The following EPHA6 variants were observed in gnomAD, a reference collection of about 807,000 sequenced individuals.
EPHA6 encodes ephrin type-A receptor 6.
In EPHA6, 50 loss-of-function variants were observed where a neutral mutation model predicts 112.0. The observed-to-expected ratio is 0.45, with a 90% CI of 0.36 to 0.56. The LOEUF is 0.56. Ranked by LOEUF, EPHA6 falls within the 20% of genes least tolerant of loss-of-function variation. EPHA6 has a pLI of 0.00. For missense variants in EPHA6, 1,280 were observed against 1,417.4 expected (o/e 0.90, Z 1.56); for synonymous variants, 529 against 490.7 (o/e 1.08, Z -1.03).
rs1356114804 is a variant in EPHA6, at chr3:97,451,355, G to C, written c.1894+2625G>C. The stretch of plus-strand genomic sequence containing the variant: ...ACCAGAATCTGATACCTAGTGATTG[G>C]GGGTGCAAGTTTAGAACCCTAGAAC... On this transcript the variant is annotated intron_variant, in intron 7 of 17. Coordinates refer to ENST00000389672, the MANE Select transcript of EPHA6 (RefSeq NM_001080448.3). 4.0e-5 allele frequency among the ~76,000 whole-genome samples: 6 copies of C among 151,890 alleles called. No homozygotes were observed. In the East Asian group the frequency reaches 1.2e-3, roughly 29 times the overall value.
At chr3:97,699,988 G>A (rs778234051) in intron 14 of EPHA6, among the ~76,000 whole-genome samples, 3 of 152,174 alleles carry the variant, frequency 2.0e-5, no homozygotes, top group Non-Finnish European at 2.9e-5. Context: ...CTTTATTTTG[G>A]AAGTACAAAA....
chr3:97,528,680 C>T (rs1258188406), intron 10 of EPHA6, among the ~76,000 whole-genome samples: 1 of 152,064 alleles, frequency 6.6e-6, no homozygotes, highest in Non-Finnish European at 1.5e-5. Flanking sequence ...ATACAGTGGT[C>T]CTCCAAGACA....
chr3:97,221,273 G>A (rs891535541), intron 3 of EPHA6, among the ~76,000 whole-genome samples: 2 of 117,936 alleles, frequency 1.7e-5, no homozygotes, highest in African/African-American at 6.8e-5. Context: ...TCCTGCCACT[G>A]CACTCCAGCC....
chr3:96,855,488 G>A (rs906498228), intron 1 of EPHA6, among the ~76,000 whole-genome samples: 1 of 145,448 alleles, frequency 6.9e-6, no homozygotes, highest in African/African-American at 2.8e-5. Flanking sequence ...AACAGTTACT[G>A]AAACAGAGAA....
At chr3:97,398,426 G>T (rs1217780967) in intron 5 of EPHA6, among the ~76,000 whole-genome samples, 1 of 150,642 alleles carries the variant, frequency 6.6e-6, no homozygotes, top group African/African-American at 2.4e-5. Flanking sequence ...CTTCCAACAG[G>T]GACAAATTTA....
At chr3:97,344,037 C>T (rs62262765) in intron 5 of EPHA6, among the ~76,000 whole-genome samples, 1 of 152,076 alleles carries the variant, frequency 6.6e-6, no homozygotes, top group Non-Finnish European at 1.5e-5. Context: ...CTATGCCTCT[C>T]CCATCATTAC....
chr3:97,398,326 A>T (rs923617965), intron 5 of EPHA6, among the ~76,000 whole-genome samples: 20 of 151,470 alleles, frequency 1.3e-4, no homozygotes, highest in Admixed American at 2.0e-4. Context: ...ATCAACCTCT[A>T]ATTTATATGA....
chr3:97,706,530 C>A (rs1310054967), intron 14 of EPHA6, among the ~76,000 whole-genome samples: 1 of 152,208 alleles, frequency 6.6e-6, no homozygotes, highest in Non-Finnish European at 1.5e-5. Flanking sequence ...TCCAACTTCA[C>A]AATCATCAGT....
chr3:97,686,304 C>G (rs768342196), intron 14 of EPHA6, among the ~76,000 whole-genome samples: 76 of 152,228 alleles, frequency 5.0e-4, no homozygotes, highest in Admixed American at 9.2e-4. Flanking sequence ...AATAGTCTGC[C>G]TTTCCTTCCT....
At chr3:97,216,570 G>C (rs756610085) in intron 3 of EPHA6, among the ~76,000 whole-genome samples, 8 of 152,204 alleles carry the variant, frequency 5.3e-5, no homozygotes, top group Non-Finnish European at 8.8e-5. Flanking sequence ...TTCATCTCAT[G>C]CTTTTCTTTT....
At chr3:97,055,466 C>T (rs2045822370) in intron 3 of EPHA6, among the ~76,000 whole-genome samples, 1 of 151,946 alleles carries the variant, frequency 6.6e-6, no homozygotes, top group Non-Finnish European at 1.5e-5. Flanking sequence ...AAGATTTTGC[C>T]TGGGTCATTA....
chr3:97,374,223 A>G (rs2085219780), intron 5 of EPHA6, among the ~76,000 whole-genome samples: 1 of 152,080 alleles, frequency 6.6e-6, no homozygotes, highest in Admixed American at 6.6e-5. Context: ...CCACATCCAC[A>G]GTTGCTATCC....
At chr3:97,439,295 C>T (rs1045567256) in intron 6 of EPHA6, among the ~76,000 whole-genome samples, 10 of 152,230 alleles carry the variant, frequency 6.6e-5, no homozygotes, top group African/African-American at 9.6e-5. Context: ...CTTAATGATA[C>T]GTCCCCAGAA....
chr3:97,157,296 A>G (rs979655787), intron 3 of EPHA6, among the ~76,000 whole-genome samples: 4 of 152,200 alleles, frequency 2.6e-5, no homozygotes, highest in Non-Finnish European at 4.4e-5. Flanking sequence ...GAAATAGTAC[A>G]TTCTATTGCT....
At chr3:97,017,612 T>C (rs779357825) in intron 3 of EPHA6, among the ~76,000 whole-genome samples, 3 of 152,184 alleles carry the variant, frequency 2.0e-5, no homozygotes, top group African/African-American at 2.4e-5. Flanking sequence ...GCAAGTGACC[T>C]ACACAGACAC....
chr3:97,494,626 C>T (rs1043914091), intron 10 of EPHA6, among the ~76,000 whole-genome samples: 1 of 152,052 alleles, frequency 6.6e-6, no homozygotes, highest in African/African-American at 2.4e-5. Flanking sequence ...TGAAAGTGTT[C>T]ACTACCTCCA....
chr3:96,828,736 A>T (rs569653651), intron 1 of EPHA6, among the ~76,000 whole-genome samples: 18 of 152,018 alleles, frequency 1.2e-4, no homozygotes, highest in African/African-American at 3.4e-4. Context: ...CATTCCCAAC[A>T]CCTCCACAGC....
chr3:97,725,795 T>C (rs901950982), intron 15 of EPHA6, among the ~76,000 whole-genome samples: 45 of 152,214 alleles, frequency 3.0e-4, no homozygotes, highest in African/African-American at 1.1e-3. Context: ...TCCCAGATGT[T>C]GTCCCGTCAT....
chr3:97,446,625 G>A (rs909269184), intron 6 of EPHA6, among the ~76,000 whole-genome samples: 2 of 152,072 alleles, frequency 1.3e-5, no homozygotes, highest in African/African-American at 2.4e-5. Context: ...CTGTGAGACA[G>A]CACTCAAAAT....
Sources: gnomAD v4.1 joint callset for allele counts (sites outside exome capture counted in the v4.1 genomes callset) on GRCh38, gnomAD v4.1.1 for gene constraint, MANE v1.5 for transcripts, NCBI Gene and HGNC (gene_info 2026-07-23, HGNC 2026-07-21) for gene names.